The following OR3A2 variants were observed in gnomAD, a reference collection of about 807,000 sequenced individuals.
OR3A2 encodes the protein olfactory receptor family 3 subfamily A member 2.
For synonymous variants in OR3A2, 126 were observed against 159.3 expected (o/e 0.79, Z 1.57); for missense variants, 318 against 392.8 (o/e 0.81, Z 1.61).
At chr17:3,370,659 G>C (rs2049606901) in intron 2 of OR3A2, among the ~76,000 whole-genome samples, 1 of 148,188 alleles carries the variant, frequency 6.7e-6, no homozygotes, top group African/African-American at 2.5e-5. Context: ...GTTCATTCTT[G>C]GGTGTTTCTC....
intron 2 of OR3A2, among the ~76,000 whole-genome samples, chr17:3,360,740 T>C (rs953446044): frequency 6.6e-6 from 1 of 151,660 alleles, no homozygotes; most frequent in African/African-American, 2.4e-5. Flanking sequence ...ATGTGTGGTA[T>C]TGTTTCTGAG....
At chr17:3,315,133 C>T (rs111709534) in intron 3 of OR3A2, among the ~76,000 whole-genome samples, 618 of 152,238 alleles carry the variant, frequency 4.1e-3, no homozygotes, top group Non-Finnish European at 7.0e-3. Flanking sequence ...TTGTGAATAG[C>T]TCAGTAGTAA....
At chr17:3,369,571 G>A (rs1260730360) in intron 2 of OR3A2, among the ~76,000 whole-genome samples, 1 of 152,056 alleles carries the variant, frequency 6.6e-6, no homozygotes, top group Non-Finnish European at 1.5e-5. Flanking sequence ...TTGCATCCCT[G>A]GTATGAAACC....
chr17:3,366,995 A>T (rs2049570020), intron 2 of OR3A2, among the ~76,000 whole-genome samples: 1 of 152,184 alleles, frequency 6.6e-6, no homozygotes, highest in South Asian at 2.1e-4. Context: ...GGTGTAGGCT[A>T]ATCAGCCTCT....
chr17:3,295,892 A>G (rs1278649457), intron 3 of OR3A2, among the ~76,000 whole-genome samples: 2 of 152,208 alleles, frequency 1.3e-5, no homozygotes, highest in Non-Finnish European at 2.9e-5. Flanking sequence ...CTAAGTATAT[A>G]GCATTGATAC....
At chr17:3,278,368 G>C (rs9901356) in exon 2 of OR3A2, 215,145 of 1,614,028 alleles carry the variant, frequency 0.13, 17,675 homozygotes, top group African/African-American at 0.29. Context: ...AGCTGTGGGA[G>C]GTCACAGTAG....
intron 2 of OR3A2, among the ~76,000 whole-genome samples, chr17:3,365,569 T>G (rs958416265): frequency 5.3e-5 from 8 of 152,208 alleles, no homozygotes; most frequent in Non-Finnish European, 1.2e-4. Context: ...TCATGCCATG[T>G]GCTCATATGG....
chr17:3,367,601 G>GTATATATATATATATATATATA (rs553464584), intron 2 of OR3A2, among the ~76,000 whole-genome samples: 12 of 122,534 alleles, frequency 9.8e-5, no homozygotes, highest in South Asian at 5.2e-4. Flanking sequence ...GTGTGTGTGT[G>GTATATATATATATATATATATA]TATATATATA....
intron 2 of OR3A2, among the ~76,000 whole-genome samples, chr17:3,338,787 G>T (rs1400053776): frequency 6.6e-6 from 1 of 152,164 alleles, no homozygotes; most frequent in Non-Finnish European, 1.5e-5. Flanking sequence ...CTTTAAAGTA[G>T]TTTTTTCCAA....
At chr17:3,367,587 A>ATGTGTGTGTG (rs1384377907) in intron 2 of OR3A2, among the ~76,000 whole-genome samples, 15 of 104,094 alleles carry the variant, frequency 1.4e-4, no homozygotes, top group African/African-American at 6.0e-4. Flanking sequence ...GTATATGTAT[A>ATGTGTGTGTG]TGTGTGTGTG....
At position 3,382,016 on chromosome 17, in the gene OR3A2, A is replaced by C. The variant is rs1214543219; in HGVS notation, c.-179+1788T>G. Among the ~76,000 whole-genome samples, 4 of 152,206 alleles carry C rather than the reference A, an allele frequency of 2.6e-5. No individual in the cohort carries two copies. The East Asian group carries it at 7.7e-4, about 29-fold the overall frequency. On this transcript the variant is annotated intron_variant, in intron 2 of 4. Transcript: ENST00000573491. Reference sequence around the variant, plus strand: ...ACCAGCAAATGAGGGCCAAGTTCCCAATGAGAGATACAAGAAGCAGGAGTG... The same window carrying C: ...ACCAGCAAATGAGGGCCAAGTTCCCCATGAGAGATACAAGAAGCAGGAGTG...
intron 2 of OR3A2, among the ~76,000 whole-genome samples, chr17:3,382,986 A>C (rs1207646968): frequency 7.2e-5 from 11 of 152,214 alleles, no homozygotes; most frequent in Non-Finnish European, 1.6e-4. Context: ...TGTACGGCTG[A>C]GCCATCATAC....
At chr17:3,347,617 G>A (rs2049378310) in intron 2 of OR3A2, among the ~76,000 whole-genome samples, 2 of 152,298 alleles carry the variant, frequency 1.3e-5, no homozygotes, top group South Asian at 2.1e-4. Flanking sequence ...GTGTATATCT[G>A]CCACATTTTC....
intron 3 of OR3A2, among the ~76,000 whole-genome samples, chr17:3,331,045 C>A (rs2049228006): frequency 6.6e-6 from 1 of 152,176 alleles, no homozygotes; most frequent in African/African-American, 2.4e-5. Flanking sequence ...TTGGCCCCCA[C>A]TCTCTTCTGG....
chr17:3,319,259 G>C (rs908808724), intron 3 of OR3A2, among the ~76,000 whole-genome samples: 20 of 152,264 alleles, frequency 1.3e-4, no homozygotes, highest in African/African-American at 4.6e-4. Flanking sequence ...TGAGGGATTA[G>C]CAGATTTATT....
At chr17:3,336,499 A>G (rs973660754) in intron 2 of OR3A2, among the ~76,000 whole-genome samples, 5 of 152,246 alleles carry the variant, frequency 3.3e-5, no homozygotes, top group Admixed American at 3.3e-4. Context: ...TGGAAAAAAC[A>G]TTAAATAAAA....
chr17:3,330,257 TG>T (rs1010031590), intron 3 of OR3A2, among the ~76,000 whole-genome samples: 4 of 151,552 alleles, frequency 2.6e-5, no homozygotes, highest in African/African-American at 9.8e-5. Context: ...GTTCAATTCC[TG>T]GGTATCCTTG....
chr17:3,288,597 A>G (rs1401834677), upstream of OR3A2, among the ~76,000 whole-genome samples: 1 of 152,210 alleles, frequency 6.6e-6, no homozygotes. Context: ...AGAAATTCAA[A>G]TTAAAAATAA....
upstream of OR3A2, among the ~76,000 whole-genome samples, chr17:3,288,560 A>C (rs1400617204): frequency 6.6e-6 from 1 of 152,206 alleles, no homozygotes; most frequent in Non-Finnish European, 1.5e-5. Flanking sequence ...TGTACATAAA[A>C]ATGTGTTCAA....
Sources: allele counts gnomAD v4.1 joint callset (sites outside exome capture counted in the v4.1 genomes callset), GRCh38; gene constraint gnomAD v4.1.1; transcripts MANE v1.5; gene names NCBI Gene and HGNC (gene_info 2026-07-23, HGNC 2026-07-21).